CALN1: variants seen among roughly 807,000 people sequenced by gnomAD.
The protein encoded by CALN1 is calneuron 1.
In CALN1, 17 loss-of-function variants were observed where a neutral mutation model predicts 30.6. The observed-to-expected ratio is 0.56, with a 90% CI of 0.38 to 0.83. The LOEUF (loss-of-function observed/expected upper bound fraction) is 0.83, where lower values mean the gene tolerates loss of function less well. Among genes scored for constraint, CALN1 ranks in the 40% least tolerant of loss-of-function variants. The pLI, the probability that CALN1 is intolerant of heterozygous loss-of-function variation, is 0.00. For synonymous variants in CALN1, 156 were observed against 131.4 expected (o/e 1.19, Z -1.28); for missense variants, 291 against 354.9 (o/e 0.82, Z 1.45).
In CALN1 at chr7:72,339,395, C is replaced by CA. The variant is rs1183923711; in HGVS notation, c.120-60586dup. Reference sequence around the variant, plus strand: ...CTTATAACTGAGATGTAACAGGTACCACTCTTAAGGACTTGCTGAGTACCC... The same window carrying CA: ...CTTATAACTGAGATGTAACAGGTACCAACTCTTAAGGACTTGCTGAGTACCC... On this transcript the variant is annotated intron_variant, in intron 2 of 6. Coordinates refer to ENST00000395275, the MANE Select transcript of CALN1 (RefSeq NM_031468.4). 2.0e-5 allele frequency among the ~76,000 whole-genome samples: 3 copies of CA among 152,092 alleles called. No individual in the cohort carries two copies. In the East Asian group the frequency reaches 5.8e-4, roughly 29 times the overall value.
intron 2 of CALN1, among the ~76,000 whole-genome samples, chr7:72,313,989 C>T (rs114352025): frequency 6.7e-4 from 102 of 152,276 alleles, no homozygotes; most frequent in African/African-American, 2.3e-3. Context: ...GGCAGACAGA[C>T]AGAGCCCCGT....
intron 3 of CALN1, among the ~76,000 whole-genome samples, chr7:72,112,580 G>C (rs112941397): frequency 0.019 from 2,919 of 152,294 alleles, 92 homozygotes; most frequent in African/African-American, 0.066. Flanking sequence ...AGTTATTTAT[G>C]CAAAGGAAGA....
At chr7:71,933,127 A>C (rs1321923296) in intron 5 of CALN1, among the ~76,000 whole-genome samples, 2 of 152,142 alleles carry the variant, frequency 1.3e-5, no homozygotes. Context: ...GCCATCAAGA[A>C]AAAAGCTACC....
chr7:72,364,636 T>C (rs968063803), intron 2 of CALN1, among the ~76,000 whole-genome samples: 1 of 152,118 alleles, frequency 6.6e-6, no homozygotes, highest in Non-Finnish European at 1.5e-5. Flanking sequence ...CAGACAAACA[T>C]AGATCCTCAG....
At chr7:71,869,431 C>T (rs746248689) in intron 5 of CALN1, among the ~76,000 whole-genome samples, 2 of 152,114 alleles carry the variant, frequency 1.3e-5, no homozygotes, top group Non-Finnish European at 2.9e-5. Flanking sequence ...AGGCTGGTCT[C>T]GAACTCCTGA....
At chr7:71,937,303 T>G (rs1795889670) in intron 5 of CALN1, among the ~76,000 whole-genome samples, 1 of 151,754 alleles carries the variant, frequency 6.6e-6, no homozygotes, top group Non-Finnish European at 1.5e-5. Flanking sequence ...AGAGTGAAAC[T>G]TTGTCTCAAA....
intron 3 of CALN1, among the ~76,000 whole-genome samples, chr7:72,243,979 T>C (rs1795003748): frequency 6.6e-6 from 1 of 152,208 alleles, no homozygotes; most frequent in South Asian, 2.1e-4. Context: ...CAATGGTCTT[T>C]CCAGGAGCTA....
chr7:71,925,977 C>T (rs369337809), intron 5 of CALN1, among the ~76,000 whole-genome samples: 4 of 152,246 alleles, frequency 2.6e-5, no homozygotes, highest in South Asian at 2.1e-4. Context: ...CCTCAGCTTC[C>T]CGAGTAGCTG....
chr7:71,822,654 T>G (rs1042671090), intron 5 of CALN1, among the ~76,000 whole-genome samples: 1 of 152,248 alleles, frequency 6.6e-6, no homozygotes, highest in Non-Finnish European at 1.5e-5. Context: ...ATGCATGACT[T>G]AAGCCACCAT....
intron 3 of CALN1, among the ~76,000 whole-genome samples, chr7:72,205,558 A>ACATATATATG (rs1791789427): frequency 2.6e-5 from 3 of 113,604 alleles, no homozygotes; most frequent in Non-Finnish European, 4.9e-5. Flanking sequence ...AAAAATATAT[A>ACATATATATG]TATATATATG....
intron 5 of CALN1, among the ~76,000 whole-genome samples, chr7:71,946,704 G>T (rs1423773291): frequency 6.6e-6 from 1 of 151,936 alleles, no homozygotes; most frequent in African/African-American, 2.4e-5. Flanking sequence ...TCCCACATCT[G>T]TCATGAGGCA....
intron 3 of CALN1, among the ~76,000 whole-genome samples, chr7:72,195,579 A>C (rs1031479891): frequency 6.6e-6 from 1 of 152,010 alleles, no homozygotes; most frequent in Non-Finnish European, 1.5e-5. Context: ...GGGTCTCACT[A>C]TGTTGTCCAG....
chr7:72,234,236 T>C (rs1794321223), intron 3 of CALN1, among the ~76,000 whole-genome samples: 1 of 152,040 alleles, frequency 6.6e-6, no homozygotes, highest in African/African-American at 2.4e-5. Flanking sequence ...AAAGCTGCGA[T>C]CTCTGCTTTG....
intron 5 of CALN1, among the ~76,000 whole-genome samples, chr7:71,912,446 C>T (rs1324872927): frequency 6.6e-6 from 1 of 152,116 alleles, no homozygotes; most frequent in Non-Finnish European, 1.5e-5. Context: ...AAATGTGATA[C>T]CTTGCAGCAA....
At chr7:72,101,652 T>C (rs568746530) in intron 4 of CALN1, among the ~76,000 whole-genome samples, 1 of 152,150 alleles carries the variant, frequency 6.6e-6, no homozygotes, top group Non-Finnish European at 1.5e-5. Flanking sequence ...TCACCCTTAT[T>C]ATCATCCTCC....
In CALN1 at chr7:72,140,271, AAAATAAGAGAG is replaced by A. The variant is rs1377987337; in HGVS notation, c.245-33988_245-33978del. 3.6e-5 allele frequency among the ~76,000 whole-genome samples: 3 copies of A among 82,902 alleles called. No homozygotes were observed. The East Asian group carries it at 1.6e-3, about 43-fold the overall frequency. 54.4% of individuals were successfully genotyped at this position (82,902 alleles called of 152,430 possible). ...GGGTGACAGAGTGAGACCTTGTCTC[AAAATAAGAGAG>A]AGAGAGAGAGAGAGAGAGAGAGAAG... On this transcript the variant is annotated intron_variant, in intron 3 of 6. Transcript: ENST00000395275.
chr7:72,217,370 C>T (rs1346657686), intron 3 of CALN1, among the ~76,000 whole-genome samples: 1 of 152,140 alleles, frequency 6.6e-6, no homozygotes, highest in African/African-American at 2.4e-5. Context: ...TGGAGTATGA[C>T]TAACACCAGC....
chr7:71,810,689 G>A (rs1457789366), intron 5 of CALN1, among the ~76,000 whole-genome samples, 197 bp from the exon 6 acceptor site: 1 of 152,022 alleles, frequency 6.6e-6, no homozygotes, highest in East Asian at 1.9e-4. Context: ...ATGATAGAGA[G>A]TGGAACATAT....
chr7:72,371,652 G>A (rs1804249316), intron 2 of CALN1, among the ~76,000 whole-genome samples: 1 of 152,174 alleles, frequency 6.6e-6, no homozygotes, highest in South Asian at 2.1e-4. Flanking sequence ...AGCAGCATAA[G>A]AATGGACTAA....
Sources: gnomAD v4.1 joint callset for allele counts (sites outside exome capture counted in the v4.1 genomes callset) on GRCh38, gnomAD v4.1.1 for gene constraint, MANE v1.5 for transcripts, NCBI Gene and HGNC (gene_info 2026-07-23, HGNC 2026-07-21) for gene names.